The following ABCA4 variants were observed in gnomAD, a reference collection of about 807,000 sequenced individuals.
ABCA4 encodes retinal-specific phospholipid-transporting ATPase ABCA4.
Under a neutral mutation model 263.7 loss-of-function variants are expected in ABCA4, and 196 were observed. That is an observed-to-expected ratio of 0.74 (90% CI 0.66 to 0.84). The LOEUF (loss-of-function observed/expected upper bound fraction) is 0.84, where lower values mean the gene tolerates loss of function less well. Ranked by LOEUF, ABCA4 falls within the 40% of genes least tolerant of loss-of-function variation. The pLI is 0.00. For missense variants in ABCA4, 2,792 were observed against 2,855.1 expected (o/e 0.98, Z 0.50); for synonymous variants, 1,133 against 1,094.2 (o/e 1.04, Z -0.70).
At chr1:94,059,316 C>T (rs1046460349) in intron 14 of ABCA4, among the ~76,000 whole-genome samples, 1 of 152,168 alleles carries the variant, frequency 6.6e-6, no homozygotes, top group Admixed American at 6.5e-5. Context: ...AACTTTGGTG[C>T]CCTTTGCAAA....
rs968464530 is a variant in ABCA4 at position 93,993,068 on chromosome 1, T to G, written c.*169A>C. 1 of 843,460 alleles carries G rather than the reference T, an allele frequency of 1.2e-6. No homozygotes were observed. Among genetic ancestry groups the G allele is most frequent in the Non-Finnish European group, 1.9e-6 (1 of 534,682 alleles). 52.2% of individuals were successfully genotyped at this position (843,460 alleles called of 1,614,324 possible). A position where few individuals can be genotyped will look rare whatever the true frequency, so the allele number is the denominator to read the frequency against. Reference sequence around the variant, plus strand: ...GAGCAAGTCAGTTTCGGTTTCCTTCTGAAAGACCTCTTTCTGAATTCGCTG... The same window carrying G: ...GAGCAAGTCAGTTTCGGTTTCCTTCGGAAAGACCTCTTTCTGAATTCGCTG... On this transcript the variant is annotated 3_prime_UTR_variant, in exon 50 of 50. Transcript: ENST00000370225.
Position 94,046,940 on chromosome 1 carries a change from C to T in ABCA4, c.2897G>A (p.Gly966Glu), listed in dbSNP as rs2101057095. ...TCACAAGGTGGTGGTTTTCCCAGCT[C>T]CATTGTGGCCCAGGAATGCGGTGAT... ...NQITAFLGHN[G>E]AGKTTTLSIL... The change falls in exon 19 of 50, where the codon GGA becomes GAA. Residue 966 changes from glycine (G) to glutamate (E), a missense_variant. Gly to Glu is a moderately conservative substitution (Grantham distance 98). Transcript: ENST00000370225. The T allele has an allele frequency of 6.2e-7, 1 of 1,614,174 alleles. No homozygotes were observed. The highest frequency in any genetic ancestry group is 8.5e-7 in the Non-Finnish European group (1 of 1,180,038).
At position 94,031,762 on chromosome 1, in the gene ABCA4, CG is replaced by C. The variant is rs879181227; in HGVS notation, c.4128+15del. ...GGAGCCACTGAGCTCAGCTAAACAC[CG>C]ACCGACAATAGTACCTGCGCCAGGA... On this transcript the variant is annotated intron_variant, in intron 27 of 49. Coordinates refer to ENST00000370225, the MANE Select transcript of ABCA4 (RefSeq NM_000350.3). The C allele has an allele frequency of 8.7e-6, 14 of 1,613,016 alleles. No homozygotes were observed. The Admixed American group carries it at 2.3e-4, about 27-fold the overall frequency.
chr1:94,008,215 G>T lies in ABCA4; in HGVS notation c.5898+20C>A, dbSNP rs761429989. On this transcript the variant is annotated intron_variant, in intron 42 of 49. Coordinates refer to ENST00000370225, the MANE Select transcript of ABCA4 (RefSeq NM_000350.3). ...GCTGATGTTCGGAAGCCTTTCACACGTGGTCTGCAGAGTACCCACCTCTCC... is the reference window on the plus strand; with the variant it reads ...GCTGATGTTCGGAAGCCTTTCACACTTGGTCTGCAGAGTACCCACCTCTCC... The T allele has an allele frequency of 3.1e-6, 5 of 1,613,200 alleles. No homozygotes were observed. Among genetic ancestry groups the T allele is most frequent in the Middle Eastern group, 1.6e-4 (1 of 6,080 alleles).
At chr1:94,054,136 G>A (rs922566726) in intron 16 of ABCA4, among the ~76,000 whole-genome samples, 3 of 152,320 alleles carry the variant, frequency 2.0e-5, no homozygotes, top group Non-Finnish European at 2.9e-5. Context: ...GCAAATACAC[G>A]ACCGTGCAAA....
intron 11 of ABCA4, among the ~76,000 whole-genome samples, chr1:94,076,235 G>A (rs1005300544): frequency 1.3e-4 from 20 of 152,128 alleles, no homozygotes; most frequent in African/African-American, 3.1e-4. Context: ...AGACCAACAG[G>A]GAAACTCTCT....
At chr1:94,032,277 A>C (rs1660227947) in intron 26 of ABCA4, among the ~76,000 whole-genome samples, 1 of 152,188 alleles carries the variant, frequency 6.6e-6, no homozygotes, top group Non-Finnish European at 1.5e-5. Flanking sequence ...ATTAACATTA[A>C]AGAGAACAAA....
rs61752416 is a variant in ABCA4 at position 94,042,828 on chromosome 1, T to G, written c.3261A>C (p.Glu1087Asp). ...VGDAKVVILD[E>D]PTSGVDPYSR... ...AGTAAGGGTCCACCCCAGAGGTGGG[T>G]TCGTCCAGAATCACCACCTTGGCAT... Residue 1087 changes from glutamate to aspartate, a missense_variant, in exon 22 of 50, where the codon GAA becomes GAC. Physicochemically the swap from Glu to Asp is conservative, Grantham distance 45. Transcript: ENST00000370225. 1.2e-6 allele frequency: 2 copies of G among 1,614,134 alleles called. No individual in the cohort carries two copies. The highest frequency in any genetic ancestry group is 1.7e-6 in the Non-Finnish European group (2 of 1,180,006).
chr1:94,116,970 C>T (rs866664960), intron 1 of ABCA4, among the ~76,000 whole-genome samples: 13 of 66,664 alleles, frequency 2.0e-4, no homozygotes, highest in African/African-American at 7.5e-4. Context: ...CTTTCTTTCT[C>T]TTTCTTTCTT....
intron 11 of ABCA4, among the ~76,000 whole-genome samples, chr1:94,070,371 C>T (rs1661371839): frequency 6.6e-6 from 1 of 152,158 alleles, no homozygotes; most frequent in African/African-American, 2.4e-5. Flanking sequence ...TACTTCTTCT[C>T]CCCTGATGCT....
At chr1:94,000,797 A>G in intron 47 of ABCA4, 39 bp downstream of exon 47, 2 of 1,599,164 alleles carry the variant, frequency 1.3e-6, no homozygotes, top group East Asian at 2.2e-5. Flanking sequence ...AGGTGGATCC[A>G]CAGAAGGCAA....
intron 3 of ABCA4, among the ~76,000 whole-genome samples, chr1:94,109,310 G>T (rs1456380069): frequency 1.3e-5 from 2 of 152,198 alleles, no homozygotes; most frequent in African/African-American, 2.4e-5. Flanking sequence ...GACATTGGTG[G>T]ATATCACTGG....
intron 12 of ABCA4, 99 bp downstream of exon 12, chr1:94,063,013 T>G (rs1661173259): frequency 8.1e-7 from 1 of 1,239,328 alleles, no homozygotes; most frequent in African/African-American, 1.5e-5. Context: ...TAACTTAATT[T>G]TATTGATTTA....
chr1:94,102,845 CA>C (rs1191962228), intron 5 of ABCA4, among the ~76,000 whole-genome samples, 169 bp downstream of exon 5: 1 of 152,192 alleles, frequency 6.6e-6, no homozygotes, highest in Non-Finnish European at 1.5e-5. Flanking sequence ...TGAAAATGAT[CA>C]CGATCTCAAG....
At chr1:94,116,998 CT>C (rs1392130445) in intron 1 of ABCA4, among the ~76,000 whole-genome samples, 4 of 116,582 alleles carry the variant, frequency 3.4e-5, no homozygotes, top group Non-Finnish European at 5.4e-5. Context: ...TTCTTTCTTT[CT>C]TTCTTTCTTT....
chr1:94,119,136 A>G (rs1012428770), intron 1 of ABCA4, among the ~76,000 whole-genome samples: 2 of 152,158 alleles, frequency 1.3e-5, no homozygotes, highest in South Asian at 2.1e-4. Flanking sequence ...TTTTGATAGA[A>G]GGAAAGAATG....
In ABCA4 at chr1:94,025,799, C is replaced by T. The variant is rs576815042; in HGVS notation, c.4540-751G>A. ...AGTTTCCTCCCGATGGATCTGTTTA[C>T]GTATTTGTATCTGTAATCCCCCGTA... On this transcript the variant is annotated intron_variant, in intron 30 of 49. Coordinates refer to ENST00000370225, the MANE Select transcript of ABCA4 (RefSeq NM_000350.3). Among the ~76,000 whole-genome samples the T allele has an allele frequency of 2.0e-5, 3 of 152,250 alleles. No individual in the cohort carries two copies. In the South Asian group the frequency reaches 6.2e-4, roughly 31 times the overall value.
chr1:94,058,565 T>C (rs761479354), intron 14 of ABCA4, among the ~76,000 whole-genome samples: 1 of 152,212 alleles, frequency 6.6e-6, no homozygotes. Flanking sequence ...TTTCGCCATG[T>C]TGGCCAGACT....
chr1:94,121,111 C>T lies in ABCA4; in HGVS notation c.-66G>A, dbSNP rs1300296991. The T allele has an allele frequency of 4.0e-6, 6 of 1,499,308 alleles. No homozygotes were observed. Among genetic ancestry groups the T allele is most frequent in the South Asian group, 3.4e-5 (3 of 88,740 alleles). 92.9% of individuals were successfully genotyped at this position (1,499,308 alleles called of 1,614,324 possible). On this transcript the variant is annotated 5_prime_UTR_variant, in exon 1 of 50. Coordinates refer to ENST00000370225, the MANE Select transcript of ABCA4 (RefSeq NM_000350.3). ...CCCCTCAGACAGCAAAGGACATAAA[C>T]GCCGTTAAGAGCGCCTCTGGCTCCG...
Sources: allele counts gnomAD v4.1 joint callset (sites outside exome capture counted in the v4.1 genomes callset), GRCh38; gene constraint gnomAD v4.1.1; transcripts MANE v1.5; gene names NCBI Gene and HGNC (gene_info 2026-07-23, HGNC 2026-07-21).